Variants in DIO1 observed in about 807,000 individuals in gnomAD.
DIO1 encodes iodothyronine deiodinase 1.
DIO1 carries 17 observed loss-of-function variants against 25.9 expected under a neutral mutation model. That is an observed-to-expected ratio of 0.66 (90% confidence interval 0.45 to 0.98). The LOEUF is 0.98. Ranked by LOEUF, DIO1 falls within the 50% of genes least tolerant of loss-of-function variation. The pLI, the probability that DIO1 is intolerant of heterozygous loss-of-function variation, is 0.00. For synonymous variants in DIO1, 115 were observed against 114.0 expected (o/e 1.01, Z -0.05); for missense variants, 270 against 310.4 (o/e 0.87, Z 0.98).
chr1:53,908,240 A>C (rs921690060), intron 3 of DIO1, among the ~76,000 whole-genome samples: 1 of 152,172 alleles, frequency 6.6e-6, no homozygotes, highest in African/African-American at 2.4e-5. Flanking sequence ...AAAGAAAAAA[A>C]GAAAATGGCC....
chr1:53,909,389 C>T (rs1269157905), intron 3 of DIO1, among the ~76,000 whole-genome samples: 1 of 151,972 alleles, frequency 6.6e-6, no homozygotes, highest in African/African-American at 2.4e-5. Flanking sequence ...GCACTCCAGC[C>T]TGGGCAACAG....
intron 1 of DIO1, among the ~76,000 whole-genome samples, chr1:53,895,490 C>T (rs975920511): frequency 9.9e-5 from 15 of 152,192 alleles, no homozygotes; most frequent in African/African-American, 2.9e-4. Flanking sequence ...AAACCAGTTT[C>T]GTCGACTTGA....
At chr1:53,896,873 T>G (rs1025400039) in intron 1 of DIO1, among the ~76,000 whole-genome samples, 3 of 151,680 alleles carry the variant, frequency 2.0e-5, no homozygotes, top group Non-Finnish European at 2.9e-5. Flanking sequence ...AAGGGAAGAG[T>G]GTTTTAGAGG....
intron 3 of DIO1, among the ~76,000 whole-genome samples, chr1:53,907,009 G>A (rs948679260): frequency 6.6e-6 from 1 of 152,178 alleles, no homozygotes; most frequent in East Asian, 1.9e-4. Context: ...CCAAGGTCAC[G>A]CTGGGCAAGG....
intron 1 of DIO1, among the ~76,000 whole-genome samples, chr1:53,895,645 C>A (rs1011976441): frequency 6.6e-6 from 1 of 152,202 alleles, no homozygotes; most frequent in Non-Finnish European, 1.5e-5. Context: ...ACCAGCTCAA[C>A]CACTTTCAGC....
intron 1 of DIO1, among the ~76,000 whole-genome samples, chr1:53,904,283 C>T (rs564620015): frequency 4.5e-4 from 69 of 152,268 alleles, no homozygotes; most frequent in African/African-American, 1.5e-3. Context: ...ATGTGTAAAA[C>T]TCAGTTTCTT....
chr1:53,907,308 A>T (rs1019798624), intron 3 of DIO1, among the ~76,000 whole-genome samples: 1 of 152,214 alleles, frequency 6.6e-6, no homozygotes, highest in Non-Finnish European at 1.5e-5. Flanking sequence ...GCCTCCCTTA[A>T]GAAGGTAGAA....
At chr1:53,897,306 T>C (rs1302522990) in intron 1 of DIO1, among the ~76,000 whole-genome samples, 9 of 151,984 alleles carry the variant, frequency 5.9e-5, no homozygotes, top group African/African-American at 1.9e-4. Context: ...TGAAACCTCG[T>C]CTCTACTAAA....
At position 53,910,084 on chromosome 1, in the gene DIO1, C is replaced by A. The variant is rs898722181; in HGVS notation, c.*85C>A. On this transcript the variant is annotated 3_prime_UTR_variant, in exon 4 of 4. Transcript: ENST00000361921. The stretch of plus-strand genomic sequence containing the variant: ...CCCTGAGACCCAGCTGGCTTTTACC[C>A]TTGACCTGTGTCCCTAGCTGAATCA... 17 of 1,199,520 alleles carry A rather than the reference C, an allele frequency of 1.4e-5. No homozygotes were observed. The African/African-American group carries it at 2.2e-4, about 16-fold the overall frequency. 74.3% of individuals were successfully genotyped at this position (1,199,520 alleles called of 1,614,324 possible).
chr1:53,894,501 G>C lies in DIO1; in HGVS notation c.291G>C (p.Val97=), dbSNP rs773223414. 2 of 1,614,178 alleles carry C rather than the reference G, an allele frequency of 1.2e-6. No individual in the cohort carries two copies. Among genetic ancestry groups the C allele is most frequent in the East Asian group, 4.5e-5 (2 of 44,892 alleles). Residue 97 remains valine (V), a synonymous_variant, in exon 1 of 4, where the codon GTG becomes GTC. Transcript: ENST00000361921. This position sits in a 1 kb window ranked among gnomAD's most constrained non-coding sequence, Gnocchi z 4.9. ...GGGGTCTGGCCCCAAACTGCCCGGT[G>C]GTCCGCCTCTCAGGACAGAGGTGCA... ...ELGGLAPNCP[V]VRLSGQRCNI...
chr1:53,910,019 TC>T lies in DIO1; in HGVS notation c.*21del, dbSNP rs1272230045. On this transcript the variant is annotated 3_prime_UTR_variant, in exon 4 of 4. Transcript: ENST00000361921. ...AGTTAATCTGGACAGATACCTCAAT[TC>T]TAGGTGACCAACGGGAGGGCTTCTC... 1.2e-6 allele frequency: 2 copies of T among 1,611,336 alleles called. No homozygotes were observed. Among genetic ancestry groups the T allele is most frequent in the African/African-American group, 1.3e-5 (1 of 74,864 alleles).
At chr1:53,905,733 C>G (rs2100777714) in intron 2 of DIO1, among the ~76,000 whole-genome samples, 1 of 152,334 alleles carries the variant, frequency 6.6e-6, no homozygotes, top group East Asian at 1.9e-4. Context: ...GTCTAGGCGC[C>G]AGCAGTCTTG....
chr1:53,905,423 C>T (rs912913468), intron 2 of DIO1, among the ~76,000 whole-genome samples: 1 of 152,144 alleles, frequency 6.6e-6, no homozygotes, highest in South Asian at 2.1e-4. Context: ...AATCTGCCCA[C>T]CTCGGCCTCC....
intron 1 of DIO1, 43 bp from the exon 2 acceptor site, chr1:53,904,610 TTGTAAAAGAAAGC>T (rs1651546358): frequency 4.4e-6 from 7 of 1,585,060 alleles, no homozygotes; most frequent in Non-Finnish European, 6.0e-6. Context: ...AAAATGGTGC[TTGTAAAAGAAAGC>T]TGTGTGTAGG....
intron 1 of DIO1, among the ~76,000 whole-genome samples, chr1:53,904,233 AT>A (rs1390227938): frequency 8.5e-5 from 13 of 152,346 alleles, no homozygotes; most frequent in South Asian, 2.1e-4. Flanking sequence ...CAGAATGTTC[AT>A]TTTAACTCCT....
rs60469690 is a variant in DIO1, at chr1:53,898,744, C to CAAA, written c.337+4214_337+4216dup. On this transcript the variant is annotated intron_variant, in intron 1 of 3. Transcript: ENST00000361921. Reference sequence around the variant, plus strand: ...TGGGCAACAAAGCGAGACTCTGTCTCAAAAAAAAAAAAAAAAAAAGAGACA... The same window carrying CAAA: ...TGGGCAACAAAGCGAGACTCTGTCTCAAAAAAAAAAAAAAAAAAAAAAGAGACA... 2.7e-4 allele frequency among the ~76,000 whole-genome samples: 29 copies of CAAA among 106,540 alleles called. No individual in the cohort carries two copies. In the East Asian group the frequency reaches 4.4e-3, roughly 16 times the overall value. The allele number at this position is 106,540 out of a possible 152,430, so 69.9% of individuals were successfully genotyped here. A position where few individuals can be genotyped will look rare whatever the true frequency, so the allele number is the denominator to read the frequency against.
intron 3 of DIO1, among the ~76,000 whole-genome samples, chr1:53,908,591 T>G (rs1044150339): frequency 6.6e-6 from 1 of 151,956 alleles, no homozygotes; most frequent in African/African-American, 2.4e-5. Flanking sequence ...GGATAAGGAG[T>G]TGGCCTAGTG....
chr1:53,904,445 A>G (rs1374709604), intron 1 of DIO1, among the ~76,000 whole-genome samples: 1 of 152,174 alleles, frequency 6.6e-6, no homozygotes, highest in Non-Finnish European at 1.5e-5. Flanking sequence ...TGGTCCACTG[A>G]GACCACCTAA....
chr1:53,905,778 C>T (rs560149869), intron 2 of DIO1, among the ~76,000 whole-genome samples: 1 of 152,206 alleles, frequency 6.6e-6, no homozygotes. Context: ...TCAGTTCCAC[C>T]TTCGACAGAC....
Sources: gnomAD v4.1 joint callset for allele counts (sites outside exome capture counted in the v4.1 genomes callset) on GRCh38, gnomAD v4.1.1 for gene constraint, Gnocchi (gnomAD v3.1) non-coding constraint, MANE v1.5 for transcripts, NCBI Gene and HGNC (gene_info 2026-07-23, HGNC 2026-07-21) for gene names.